The following SLCO2B1 variants were observed in gnomAD, a reference collection of about 807,000 sequenced individuals.
SLCO2B1 encodes OATP-RP2.
A neutral mutation model predicts 67.3 loss-of-function variants in SLCO2B1; 41 were observed. That is an observed-to-expected ratio of 0.61 (90% CI 0.47 to 0.79). The LOEUF is 0.79. Among genes scored for constraint, SLCO2B1 ranks in the 30% least tolerant of loss-of-function variants. SLCO2B1 has a pLI of 0.00. For synonymous variants in SLCO2B1, 379 were observed against 381.4 expected (o/e 0.99, Z 0.07); for missense variants, 837 against 920.1 (o/e 0.91, Z 1.17).
chr11:75,199,061 T>C (rs1258897452), intron 10 of SLCO2B1, among the ~76,000 whole-genome samples: 1 of 152,202 alleles, frequency 6.6e-6, no homozygotes, highest in African/African-American at 2.4e-5. Flanking sequence ...AGGGGCAGGA[T>C]GCCTCTCTCC....
At chr11:75,203,241 C>T in intron 12 of SLCO2B1, 66 bp from the exon 13 acceptor site, 1 of 1,582,564 alleles carries the variant, frequency 6.3e-7, no homozygotes, top group Non-Finnish European at 8.6e-7. Flanking sequence ...AGGGGTTGTA[C>T]ATGCCAGGGA....
intron 4 of SLCO2B1, among the ~76,000 whole-genome samples, chr11:75,166,274 G>A (rs576302319): frequency 4.6e-5 from 7 of 152,304 alleles, no homozygotes; most frequent in African/African-American, 9.6e-5. Flanking sequence ...CCGGAATTGC[G>A]TGTGTAATAA....
intron 1 of SLCO2B1, among the ~76,000 whole-genome samples, chr11:75,162,017 G>A (rs941512628): frequency 6.6e-6 from 1 of 152,202 alleles, no homozygotes; most frequent in Non-Finnish European, 1.5e-5. Context: ...AGTGAGACGA[G>A]CTCAGAGGGC....
At chr11:75,176,277 C>T (rs934600191) in intron 7 of SLCO2B1, among the ~76,000 whole-genome samples, 3 of 152,182 alleles carry the variant, frequency 2.0e-5, no homozygotes, top group African/African-American at 7.2e-5. Flanking sequence ...GTCCTTCTGA[C>T]AACCTGCCCT....
rs548028851 is a variant in SLCO2B1, at chr11:75,165,550, C to T, written c.286-237C>T. On this transcript the variant is annotated intron_variant, in intron 3 of 13. Transcript: ENST00000289575. ...CTTCCCCATGTTCTAACATGGGGTC[C>T]AATCTGTGTTCAAAAATGGAATTGA... Among the ~76,000 whole-genome samples, 15 of 152,312 alleles carry T rather than the reference C, an allele frequency of 9.8e-5. No homozygotes were observed. The East Asian group carries it at 2.9e-3, about 29-fold the overall frequency.
At chr11:75,199,262 G>A (rs977998109) in intron 10 of SLCO2B1, among the ~76,000 whole-genome samples, 8 of 152,098 alleles carry the variant, frequency 5.3e-5, no homozygotes, top group South Asian at 2.1e-4. Context: ...TGGTTCTGCC[G>A]GCCAGTGGAG....
At chr11:75,180,635 T>C (rs1243182426) in intron 7 of SLCO2B1, among the ~76,000 whole-genome samples, 1 of 152,230 alleles carries the variant, frequency 6.6e-6, no homozygotes, top group Middle Eastern at 3.2e-3. Flanking sequence ...CTACTTGCAC[T>C]ATAGTCTATA....
At chr11:75,173,269 T>C (rs1253931734) in intron 7 of SLCO2B1, among the ~76,000 whole-genome samples, 1 of 152,192 alleles carries the variant, frequency 6.6e-6, no homozygotes, top group Non-Finnish European at 1.5e-5. Flanking sequence ...AAGACTTCCC[T>C]GAAGAGGAGG....
chr11:75,185,870 A>C (rs1269107364), intron 7 of SLCO2B1, among the ~76,000 whole-genome samples: 1 of 152,210 alleles, frequency 6.6e-6, no homozygotes, highest in African/African-American at 2.4e-5. Flanking sequence ...TTTCTTAATC[A>C]CTATATTTTG....
chr11:75,176,006 C>T lies in SLCO2B1; in HGVS notation c.972+3437C>T, dbSNP rs140761552. On this transcript the variant is annotated intron_variant, in intron 7 of 13. Transcript: ENST00000289575. ...TGTCCCTGTATCTGCGGCCTCAGAG[C>T]TCAGGTGCTACCAAGAGACCCTCAC... Among the ~76,000 whole-genome samples the T allele has an allele frequency of 2.8e-3, 420 of 152,258 alleles. 7 individuals carry two copies. Among genetic ancestry groups the T allele is most frequent in the Middle Eastern group, 0.024 (7 of 294 alleles).
chr11:75,163,984 C>G lies in SLCO2B1; in HGVS notation c.169C>G (p.Leu57Val). The G allele has an allele frequency of 6.2e-7, 1 of 1,603,350 alleles. No individual in the cohort carries two copies. Among genetic ancestry groups the G allele is most frequent in the Non-Finnish European group, 8.5e-7 (1 of 1,175,182 alleles). The change falls in exon 3 of 14, where the codon CTG becomes GTG. Residue 57 changes from leucine to valine, a missense_variant. Coordinates refer to ENST00000289575, the MANE Select transcript of SLCO2B1 (RefSeq NM_007256.5). Reference sequence around the variant, plus strand: ...ACAGCTGTTCGTTCTGTGCCACAGCCTGCTGCAGCTGGCGCAGCTCATGAT... The same window carrying G: ...ACAGCTGTTCGTTCTGTGCCACAGCGTGCTGCAGCTGGCGCAGCTCATGAT... ...NIKLFVLCHS[L>V]LQLAQLMISG...
chr11:75,202,814 C>A, intron 11 of SLCO2B1, 87 bp from the exon 12 acceptor site: 2 of 1,134,436 alleles, frequency 1.8e-6, no homozygotes, highest in African/African-American at 1.5e-5. Flanking sequence ...GAGAGAAGGG[C>A]ATAATAAGAA....
Position 75,193,615 on chromosome 11 carries a change from G to T in SLCO2B1, c.1433+40G>T. 6.7e-7 allele frequency: 1 copy of T among 1,499,462 alleles called. No individual in the cohort carries two copies. Among genetic ancestry groups the T allele is most frequent in the South Asian group, 1.3e-5 (1 of 76,500 alleles). The allele number at this position is 1,499,462 out of a possible 1,614,324, so 92.9% of individuals were successfully genotyped here. On this transcript the variant is annotated intron_variant, in intron 9 of 13. Coordinates refer to ENST00000289575, the MANE Select transcript of SLCO2B1 (RefSeq NM_007256.5). This position sits in a 1 kb window ranked among gnomAD's most constrained non-coding sequence, Gnocchi z 4.2. ...GGGCACGTAAAGGCAAGCCTGGGAG[G>T]ACAGGACAGGGAGGACAGGGGCCCT... is the stretch of plus-strand genomic sequence containing the variant.
chr11:75,172,258 C>A, intron 6 of SLCO2B1, 121 bp from the exon 7 acceptor site: 1 of 834,412 alleles, frequency 1.2e-6, no homozygotes, highest in Non-Finnish European at 1.9e-6. Flanking sequence ...CAGACTGGAA[C>A]TCAGGTCTCC....
At chr11:75,164,378 C>T (rs1262227607) in intron 3 of SLCO2B1, among the ~76,000 whole-genome samples, 2 of 152,202 alleles carry the variant, frequency 1.3e-5, no homozygotes, top group Non-Finnish European at 2.9e-5. Context: ...ACTTTGTGTC[C>T]TTTACCTTTT....
intron 7 of SLCO2B1, among the ~76,000 whole-genome samples, chr11:75,184,264 A>G (rs541409127): frequency 3.3e-4 from 51 of 152,312 alleles, no homozygotes; most frequent in Middle Eastern, 6.8e-3. Context: ...TAGGCACAAG[A>G]GTTTGAACAG....
chr11:75,172,372 C>T lies in SLCO2B1; in HGVS notation c.782-7C>T, dbSNP rs1949971512. The T allele has an allele frequency of 1.2e-6, 2 of 1,610,354 alleles. No individual in the cohort carries two copies. Among genetic ancestry groups the T allele is most frequent in the East Asian group, 2.2e-5 (1 of 44,810 alleles). ...GACCCTAATGTCACCATGCTCTTCT[C>T]TTCCAGGTGGTATCAGCCTGACCAT... On this transcript the variant is annotated splice_region_variant and splice_polypyrimidine_tract_variant and intron_variant, in intron 6 of 13. Coordinates refer to ENST00000289575, the MANE Select transcript of SLCO2B1 (RefSeq NM_007256.5).
At chr11:75,153,440 T>C (rs2140299131) in intron 1 of SLCO2B1, among the ~76,000 whole-genome samples, 1 of 152,278 alleles carries the variant, frequency 6.6e-6, no homozygotes, top group East Asian at 1.9e-4. Context: ...CTTCCCCTTT[T>C]CAATAGGTGA....
intron 7 of SLCO2B1, among the ~76,000 whole-genome samples, chr11:75,179,345 C>G (rs1032289538): frequency 4.7e-5 from 7 of 149,188 alleles, no homozygotes; most frequent in African/African-American, 1.5e-4. Context: ...AATTCTCCTG[C>G]CTCAGCCTTC....
Sources: allele counts gnomAD v4.1 joint callset (sites outside exome capture counted in the v4.1 genomes callset), GRCh38; gene constraint gnomAD v4.1.1; non-coding constraint Gnocchi (gnomAD v3.1); transcripts MANE v1.5; gene names NCBI Gene and HGNC (gene_info 2026-07-23, HGNC 2026-07-21).